CMTM6: variants seen among roughly 807,000 people sequenced by gnomAD.
CMTM6 encodes the protein CKLF-like MARVEL transmembrane domain-containing protein 6.
In CMTM6, 5 loss-of-function variants were observed where a neutral mutation model predicts 13.6. That is an observed-to-expected ratio of 0.37 (90% CI 0.19 to 0.77). The LOEUF is 0.77. Among genes scored for constraint, CMTM6 ranks in the 30% least tolerant of loss-of-function variants. The probability of loss-of-function intolerance (pLI) is 0.50; values close to 1 mark genes in which losing one functional copy is unlikely to be tolerated. For synonymous variants in CMTM6, 99 were observed against 84.5 expected (o/e 1.17, Z -0.94); for missense variants, 196 against 218.6 (o/e 0.90, Z 0.65).
chr3:32,500,457 G>C (rs968212037), intron 1 of CMTM6, among the ~76,000 whole-genome samples: 1 of 152,172 alleles, frequency 6.6e-6, no homozygotes, highest in Non-Finnish European at 1.5e-5. Flanking sequence ...GTGAAAGGCA[G>C]TAATGAAAAA....
intron 2 of CMTM6, among the ~76,000 whole-genome samples, chr3:32,489,417 A>G (rs950536702): frequency 3.3e-5 from 5 of 152,064 alleles, no homozygotes; most frequent in Non-Finnish European, 7.4e-5. Flanking sequence ...TTGGGAGGCC[A>G]AGACAGGTGG....
chr3:32,490,870 T>A (rs1041570848), intron 2 of CMTM6, among the ~76,000 whole-genome samples: 6 of 152,210 alleles, frequency 3.9e-5, no homozygotes, highest in Non-Finnish European at 5.9e-5. Flanking sequence ...CATTTTTTTT[T>A]ACACATTCAA....
At chr3:32,500,857 G>C (rs953832968) in intron 1 of CMTM6, among the ~76,000 whole-genome samples, 7 of 152,168 alleles carry the variant, frequency 4.6e-5, no homozygotes, top group African/African-American at 1.4e-4. Flanking sequence ...AGGAGATTTT[G>C]TGGGCAGCAA....
chr3:32,484,615 G>A (rs1697186964), intron 3 of CMTM6, among the ~76,000 whole-genome samples: 1 of 152,120 alleles, frequency 6.6e-6, no homozygotes, highest in Non-Finnish European at 1.5e-5. Context: ...GTGACATGAC[G>A]CCACTACCTA....
chr3:32,490,273 G>A (rs529430070), intron 2 of CMTM6, among the ~76,000 whole-genome samples: 3 of 151,812 alleles, frequency 2.0e-5, no homozygotes, highest in African/African-American at 7.2e-5. Context: ...TCTTCTTTAG[G>A]CACCACCAGT....
rs904419548 is a variant in CMTM6 at position 32,481,709 on chromosome 3, A to T, written c.*2251T>A. 3 of 152,248 alleles carry T rather than the reference A, an allele frequency of 2.0e-5. No homozygotes were observed. Among genetic ancestry groups the T allele is most frequent in the Non-Finnish European group, 4.4e-5 (3 of 68,040 alleles). The allele number at this position is 152,248 out of a possible 1,614,324, so 9.4% of individuals were successfully genotyped here. A position where few individuals can be genotyped will look rare whatever the true frequency, so the allele number is the denominator to read the frequency against. ...ACTCCTATTTATTTCCTTCTACAAT[A>T]GAAAAGAAAGGCTAACCATTCATGG... On this transcript the variant is annotated 3_prime_UTR_variant, in exon 4 of 4. Coordinates refer to ENST00000205636, the MANE Select transcript of CMTM6 (RefSeq NM_017801.3).
In CMTM6 at chr3:32,482,159, C is replaced by G. The variant is rs1697160305; in HGVS notation, c.*1801G>C. On this transcript the variant is annotated 3_prime_UTR_variant, in exon 4 of 4. Transcript: ENST00000205636. ...TCTTAGATGACATGCCCAATAAAAA[C>G]AGCATCCATGATTGGTTTCATTATC... 6.6e-6 allele frequency: 1 copy of G among 152,190 alleles called. No homozygotes were observed. The highest frequency in any genetic ancestry group is 1.5e-5 in the Non-Finnish European group (1 of 68,038). 9.4% of individuals were successfully genotyped at this position (152,190 alleles called of 1,614,324 possible).
At chr3:32,489,513 T>G (rs1697233396) in intron 2 of CMTM6, among the ~76,000 whole-genome samples, 1 of 151,840 alleles carries the variant, frequency 6.6e-6, no homozygotes, top group Non-Finnish European at 1.5e-5. Context: ...TAGCTGGGTG[T>G]GGTGGCAGGC....
intron 2 of CMTM6, among the ~76,000 whole-genome samples, chr3:32,490,679 C>A (rs951504986): frequency 2.6e-5 from 4 of 152,000 alleles, no homozygotes; most frequent in Admixed American, 2.6e-4. Flanking sequence ...TATTATAATA[C>A]CATTTCTTGT....
At chr3:32,502,401 T>A (rs917785097) in intron 1 of CMTM6, among the ~76,000 whole-genome samples, 3 of 152,162 alleles carry the variant, frequency 2.0e-5, no homozygotes, top group African/African-American at 7.2e-5. Context: ...GGGATCCCGA[T>A]GGGGAGAGCC....
intron 1 of CMTM6, among the ~76,000 whole-genome samples, chr3:32,494,360 A>C (rs1460609637): frequency 1.6e-4 from 25 of 152,206 alleles, no homozygotes; most frequent in Admixed American, 1.6e-3. Context: ...GGTTAATGGC[A>C]ACAAGATTGC....
intron 3 of CMTM6, chr3:32,487,722 G>C (rs894636261): frequency 9.7e-6 from 4 of 414,026 alleles, no homozygotes; most frequent in African/African-American, 2.0e-5. Flanking sequence ...GGAGTAAGTG[G>C]ATTTTTTTTA....
chr3:32,498,053 AT>A (rs1257024517), intron 1 of CMTM6, among the ~76,000 whole-genome samples: 4 of 152,192 alleles, frequency 2.6e-5, no homozygotes, highest in Admixed American at 2.6e-4. Flanking sequence ...TTTGTTCTTA[AT>A]AGCATGAAGT....
Position 32,502,778 on chromosome 3 carries a change from A to T in CMTM6, c.-33T>A. 1 of 1,402,222 alleles carries T rather than the reference A, an allele frequency of 7.1e-7. No individual in the cohort carries two copies. The highest frequency in any genetic ancestry group is 9.3e-7 in the Non-Finnish European group (1 of 1,078,062). The allele number at this position is 1,402,222 out of a possible 1,614,324, so 86.9% of individuals were successfully genotyped here. ...GGCCGGGGAGCGCGGCGGCCGCAGC[A>T]ACCGCGCCGTTGACTTCTCGGACTC... On this transcript the variant is annotated 5_prime_UTR_variant, in exon 1 of 4. Transcript: ENST00000205636.
intron 1 of CMTM6, among the ~76,000 whole-genome samples, chr3:32,498,422 C>T (rs1318483780): frequency 1.3e-5 from 2 of 152,102 alleles, no homozygotes; most frequent in Non-Finnish European, 2.9e-5. Context: ...AAGTTAAACC[C>T]ACAGTTCTGT....
At chr3:32,492,882 T>G (rs902704554) in intron 1 of CMTM6, among the ~76,000 whole-genome samples, 25 of 152,248 alleles carry the variant, frequency 1.6e-4, no homozygotes, top group Non-Finnish European at 2.8e-4. Flanking sequence ...TTAATCACTT[T>G]CATCATCTAT....
At chr3:32,486,757 G>T (rs1043368845) in intron 3 of CMTM6, among the ~76,000 whole-genome samples, 19 of 152,250 alleles carry the variant, frequency 1.2e-4, no homozygotes, top group African/African-American at 4.3e-4. Context: ...CCCAATGTTG[G>T]GGGTGGAGCC....
chr3:32,488,832 G>A (rs1697226841), intron 2 of CMTM6, among the ~76,000 whole-genome samples: 1 of 152,142 alleles, frequency 6.6e-6, no homozygotes. Context: ...TACCTCACAA[G>A]GCTCTCATAT....
At chr3:32,492,644 G>C (rs1406850130) in intron 1 of CMTM6, among the ~76,000 whole-genome samples, 2 of 152,180 alleles carry the variant, frequency 1.3e-5, no homozygotes, top group Non-Finnish European at 2.9e-5. Context: ...ATAGCGACTA[G>C]GGAGCAGCAA....
Sources: allele counts gnomAD v4.1 joint callset (sites outside exome capture counted in the v4.1 genomes callset), GRCh38; gene constraint gnomAD v4.1.1; transcripts MANE v1.5; gene names NCBI Gene and HGNC (gene_info 2026-07-23, HGNC 2026-07-21).